FRAS1: variants seen among roughly 807,000 people sequenced by gnomAD.
FRAS1 encodes extracellular matrix organizing protein FRAS1.
A neutral mutation model predicts 435.2 loss-of-function variants in FRAS1; 290 were observed. The observed-to-expected ratio is 0.67, with a 90% CI of 0.61 to 0.73. The LOEUF (loss-of-function observed/expected upper bound fraction) is 0.73, where lower values mean the gene tolerates loss of function less well. Among genes scored for constraint, FRAS1 ranks in the 30% least tolerant of loss-of-function variants. FRAS1 has a pLI of 0.00. For missense variants in FRAS1, 4,860 were observed against 5,001.5 expected, an observed-to-expected ratio of 0.97 and a Z score of 0.85; for synonymous variants, 1,800 against 1,851.0, an observed-to-expected ratio of 0.97 and a Z score of 0.71.
intron 33 of FRAS1, 81 bp downstream of exon 33, chr4:78,419,144 G>A: frequency 1.4e-6 from 1 of 737,116 alleles, no homozygotes; most frequent in Non-Finnish European, 2.2e-6. Flanking sequence ...CTGGAGTTTT[G>A]TCTGCTTGTA....
chr4:78,097,864 G>A (rs936194228), intron 2 of FRAS1, among the ~76,000 whole-genome samples: 1 of 151,900 alleles, frequency 6.6e-6, no homozygotes, highest in African/African-American at 2.4e-5. Context: ...AAGGTAAAAT[G>A]AGGCCTTATA....
chr4:78,495,291 A>G (rs530121712), intron 59 of FRAS1, among the ~76,000 whole-genome samples: 11 of 63,278 alleles, frequency 1.7e-4, no homozygotes, highest in Middle Eastern at 0.026. Context: ...ACCATTGAGT[A>G]TGGTGTTCTT....
intron 50 of FRAS1, among the ~76,000 whole-genome samples, chr4:78,469,057 T>C (rs1719624607): frequency 6.6e-6 from 1 of 152,200 alleles, no homozygotes; most frequent in Non-Finnish European, 1.5e-5. Flanking sequence ...GTCATCACTC[T>C]TGTTTTTTCT....
At chr4:78,192,149 T>A (rs554506947) in intron 2 of FRAS1, among the ~76,000 whole-genome samples, 1 of 152,338 alleles carries the variant, frequency 6.6e-6, no homozygotes, top group East Asian at 1.9e-4. Context: ...TCATGGTGGA[T>A]AAGCTTTTTG....
At chr4:78,131,793 G>T (rs1050103051) in intron 2 of FRAS1, among the ~76,000 whole-genome samples, 4 of 152,196 alleles carry the variant, frequency 2.6e-5, no homozygotes, top group African/African-American at 7.2e-5. Flanking sequence ...GAAGAAAAAA[G>T]AAGTCAGTTA....
rs1487607784 is a variant in FRAS1 at position 78,421,875 on chromosome 4, A to G, written c.4553A>G (p.His1518Arg). Residue 1518 changes from histidine (H) to arginine (R), a missense_variant, in exon 34 of 74, where the codon CAC (histidine) becomes CGC (arginine). Coordinates refer to ENST00000512123, the MANE Select transcript of FRAS1 (RefSeq NM_025074.7). ...CTCTTCCTCCCAGGTATCATCGAGCACCGGGACCACCCTCACTCTCCTATC... is the reference window on the plus strand; with the variant it reads ...CTCTTCCTCCCAGGTATCATCGAGCGCCGGGACCACCCTCACTCTCCTATC... The part of the protein sequence containing the change: ...PLHPNQGIIE[H>R]RDHPHSPIRY... The G allele has an allele frequency of 1.9e-6, 3 of 1,613,758 alleles. No individual in the cohort carries two copies. Among genetic ancestry groups the G allele is most frequent in the Admixed American group, 1.7e-5 (1 of 59,996 alleles).
intron 2 of FRAS1, among the ~76,000 whole-genome samples, chr4:78,133,972 T>G (rs1012877717): frequency 2.7e-5 from 4 of 150,584 alleles, no homozygotes; most frequent in African/African-American, 9.8e-5. Context: ...TTTTGTTTTT[T>G]TTTTTGAGAT....
intron 14 of FRAS1, among the ~76,000 whole-genome samples, chr4:78,297,189 G>C (rs1179473235): frequency 6.6e-6 from 1 of 152,214 alleles, no homozygotes; most frequent in East Asian, 1.9e-4. Flanking sequence ...TGAAGTTAGG[G>C]CTTTTTCTGT....
intron 20 of FRAS1, chr4:78,338,181 CTTG>C (rs1312480725): frequency 4.4e-5 from 8 of 182,360 alleles, no homozygotes; most frequent in Non-Finnish European, 8.1e-5. Flanking sequence ...TGTCCTGCTT[CTTG>C]TTGTGGAGAA....
chr4:78,252,398 A>C lies in FRAS1; in HGVS notation c.316A>C (p.Thr106Pro). The change falls in exon 5 of 74, where the codon ACA (threonine) becomes CCA (proline). Residue 106 changes from threonine (T) to proline (P), a missense_variant. By Grantham distance (38) the Thr-to-Pro change is conservative. Transcript: ENST00000512123. ...CTGTCTCCCTAACACACAGCATGGG[A>C]CAGAATGGGCCTCTTCTCCATGTAG... is the stretch of plus-strand genomic sequence containing the variant. ...HHEKKIHEHGTEWASSPCSVC... is the reference protein window; with the variant it reads ...HHEKKIHEHGPEWASSPCSVC... The C allele has an allele frequency of 1.2e-6, 2 of 1,612,610 alleles. No homozygotes were observed. Among genetic ancestry groups the C allele is most frequent in the South Asian group, 2.2e-5 (2 of 91,000 alleles).
At chr4:78,193,336 C>T (rs1313240932) in intron 2 of FRAS1, among the ~76,000 whole-genome samples, 1 of 152,142 alleles carries the variant, frequency 6.6e-6, no homozygotes, top group Admixed American at 6.5e-5. Context: ...TGTTAACTTT[C>T]TGTCTCGTTG....
chr4:78,165,008 T>A (rs1721279323), intron 2 of FRAS1, among the ~76,000 whole-genome samples: 1 of 152,182 alleles, frequency 6.6e-6, no homozygotes, highest in Admixed American at 6.5e-5. Flanking sequence ...GTCCTTTAAG[T>A]CAGATTACAA....
At chr4:78,419,383 C>T (rs751881729) in intron 33 of FRAS1, among the ~76,000 whole-genome samples, 1 of 152,152 alleles carries the variant, frequency 6.6e-6, no homozygotes, top group Admixed American at 6.5e-5. Context: ...GCCATTGTCT[C>T]TGTAGGATCA....
rs529437383 is a variant in FRAS1 at position 78,058,121 on chromosome 4, C to T, written c.76+36C>T. The T allele has an allele frequency of 0.012, 11,650 of 976,376 alleles. 30 individuals carry two copies. The highest frequency in any genetic ancestry group is 0.015 in the Non-Finnish European group (10,223 of 693,472). 60.5% of individuals were successfully genotyped at this position (976,376 alleles called of 1,614,324 possible). A position where few individuals can be genotyped will look rare whatever the true frequency, so the allele number is the denominator to read the frequency against. ...GGTGCCGCGTGTGTGTGTGTGTGTGCGTGTGCGTGTGTGTGTGTATGTGTG... is the reference window on the plus strand; with the variant it reads ...GGTGCCGCGTGTGTGTGTGTGTGTGTGTGTGCGTGTGTGTGTGTATGTGTG... On this transcript the variant is annotated intron_variant, in intron 1 of 73. Transcript: ENST00000512123.
At chr4:78,103,329 G>A (rs1000726846) in intron 2 of FRAS1, among the ~76,000 whole-genome samples, 1 of 152,092 alleles carries the variant, frequency 6.6e-6, no homozygotes, top group South Asian at 2.1e-4. Flanking sequence ...AACTGGAAAT[G>A]GTTTAGTTTT....
At chr4:78,144,235 T>C (rs1375355387) in intron 2 of FRAS1, among the ~76,000 whole-genome samples, 3 of 151,648 alleles carry the variant, frequency 2.0e-5, no homozygotes, top group African/African-American at 7.3e-5. Context: ...GAAAATAATA[T>C]AGGAATATAT....
At position 78,272,323 on chromosome 4, in the gene FRAS1, C is replaced by T. The variant is rs180936982; in HGVS notation, c.981+4891C>T. 2.0e-3 allele frequency among the ~76,000 whole-genome samples: 304 copies of T among 152,284 alleles called. 3 individuals are homozygous for T. The East Asian group carries it at 0.049, about 25-fold the overall frequency. ...AGAAGCTCTTTAGTTTAATGAGATC[C>T]CATTTGTCAATTTTGGCTTTTGTTG... On this transcript the variant is annotated intron_variant, in intron 9 of 73. Coordinates refer to ENST00000512123, the MANE Select transcript of FRAS1 (RefSeq NM_025074.7).
intron 2 of FRAS1, among the ~76,000 whole-genome samples, chr4:78,067,094 G>A (rs1485359784): frequency 2.0e-5 from 3 of 152,064 alleles, no homozygotes; most frequent in African/African-American, 4.8e-5. Context: ...TAGATATTTA[G>A]ACAAGTCAGT....
At chr4:78,437,723 T>C (rs896005247) in intron 38 of FRAS1, among the ~76,000 whole-genome samples, 2 of 152,226 alleles carry the variant, frequency 1.3e-5, no homozygotes, top group African/African-American at 2.4e-5. Flanking sequence ...TTAATTTTCA[T>C]TGTTGCTGTG....
Sources: gnomAD v4.1 joint callset for allele counts (sites outside exome capture counted in the v4.1 genomes callset) on GRCh38, gnomAD v4.1.1 for gene constraint, MANE v1.5 for transcripts, NCBI Gene and HGNC (gene_info 2026-07-23, HGNC 2026-07-21) for gene names.